The following ZNF66 variants were observed in gnomAD, a reference collection of about 807,000 sequenced individuals.
The protein encoded by ZNF66 is putative zinc finger protein 66.
ZNF66 carries 32 observed loss-of-function variants against 35.2 expected under a neutral mutation model. The ratio of observed to expected loss-of-function variants is 0.91; its 90% CI spans 0.69 to 1.22. ZNF66 has a LOEUF of 1.22. Ranked by LOEUF, ZNF66 falls within the 50% of genes most tolerant of loss-of-function variation. The pLI, the probability that ZNF66 is intolerant of heterozygous loss-of-function variation, is 0.00. For synonymous variants in ZNF66, 231 were observed against 181.3 expected (o/e 1.27, Z -2.20); for missense variants, 666 against 543.1 (o/e 1.23, Z -2.25).
chr19:20,779,799 ATGCCTGTAATC>A (rs1971229222), intron 1 of ZNF66, among the ~76,000 whole-genome samples: 1 of 151,260 alleles, frequency 6.6e-6, no homozygotes, highest in Admixed American at 6.6e-5. Context: ...GTGGTGGTGC[ATGCCTGTAATC>A]CCATCTACTC....
At chr19:20,787,367 C>A (rs920371044) in intron 1 of ZNF66, among the ~76,000 whole-genome samples, 1 of 152,082 alleles carries the variant, frequency 6.6e-6, no homozygotes, top group Non-Finnish European at 1.5e-5. Flanking sequence ...GCTAGAGCAG[C>A]CTTCATGAGG....
chr19:20,794,333 A>G (rs1971371484), intron 3 of ZNF66: 1 of 164,050 alleles, frequency 6.1e-6, no homozygotes, highest in Non-Finnish European at 1.3e-5. Flanking sequence ...AGTCCATTCT[A>G]TTTTTATTAC....
At chr19:20,801,696 G>A (rs1299196185) in intron 3 of ZNF66, among the ~76,000 whole-genome samples, 2 of 151,986 alleles carry the variant, frequency 1.3e-5, no homozygotes, top group Admixed American at 1.3e-4. Context: ...TGATTTGCAT[G>A]GCTCACGGCT....
chr19:20,792,542 G>A lies in ZNF66; in HGVS notation c.34G>A (p.Glu12Lys). 1 of 1,531,852 alleles carries A rather than the reference G, an allele frequency of 6.5e-7. No homozygotes were observed. The highest frequency in any genetic ancestry group is 1.1e-5 in the South Asian group (1 of 88,254). 94.9% of individuals were successfully genotyped at this position (1,531,852 alleles called of 1,614,324 possible). A position where few individuals can be genotyped will look rare whatever the true frequency, so the allele number is the denominator to read the frequency against. Residue 12 changes from glutamate (E) to lysine (K), a missense_variant, in exon 2 of 4, where the codon GAA becomes AAA. Transcript: ENST00000344519. ...ATTGCAATTTAGAGATGTGGCCATA[G>A]AATTCTCTCTGGAGGAGTGGCATTG... is the stretch of plus-strand genomic sequence containing the variant. ...GPLQFRDVAI[E>K]FSLEEWHCLD...
intron 1 of ZNF66, among the ~76,000 whole-genome samples, chr19:20,787,462 G>A (rs562183154): frequency 6.6e-6 from 1 of 152,148 alleles, no homozygotes; most frequent in Non-Finnish European, 1.5e-5. Context: ...CTGCAATTAA[G>A]GTCTGGCCTC....
chr19:20,805,648 A>G (rs566882432), intron 3 of ZNF66, among the ~76,000 whole-genome samples, 179 bp from the exon 4 acceptor site: 5 of 152,188 alleles, frequency 3.3e-5, no homozygotes, highest in Admixed American at 2.0e-4. Flanking sequence ...ATTTTTTACA[A>G]ATGTATTTTG....
chr19:20,803,281 G>C (rs1971467532), intron 3 of ZNF66, among the ~76,000 whole-genome samples: 1 of 149,526 alleles, frequency 6.7e-6, no homozygotes, highest in South Asian at 2.1e-4. Flanking sequence ...TTTTATTCTT[G>C]TGTCTTTGTC....
At chr19:20,789,033 AGAGT>A (rs1261319865) in intron 1 of ZNF66, among the ~76,000 whole-genome samples, 2 of 152,054 alleles carry the variant, frequency 1.3e-5, no homozygotes, top group African/African-American at 2.4e-5. Context: ...CCTGTGCAAT[AGAGT>A]GAGACTTCAT....
chr19:20,790,309 G>A (rs7258810), intron 1 of ZNF66, among the ~76,000 whole-genome samples: 52,280 of 148,150 alleles, frequency 0.35, 7,637 homozygotes, highest in East Asian at 0.41. Flanking sequence ...TTTAATGAAG[G>A]GCCTCATGTG....
Position 20,809,992 on chromosome 19 carries a change from G to A in ZNF66, c.*2670G>A, listed in dbSNP as rs1157398676. Reference sequence around the variant, plus strand: ...AATAAAAGGATGGAGGAAGATCTACGAAGCAAATGGAAAACAAACAAAAAA... The same window carrying A: ...AATAAAAGGATGGAGGAAGATCTACAAAGCAAATGGAAAACAAACAAAAAA... On this transcript the variant is annotated 3_prime_UTR_variant, in exon 4 of 4. Transcript: ENST00000344519. 2.0e-5 allele frequency among the ~76,000 whole-genome samples: 3 copies of A among 152,044 alleles called. No individual in the cohort carries two copies. The highest frequency in any genetic ancestry group is 4.4e-5 in the Non-Finnish European group (3 of 68,018).
intron 3 of ZNF66, among the ~76,000 whole-genome samples, chr19:20,797,230 CG>C (rs1446266777): frequency 5.0e-5 from 3 of 59,778 alleles, no homozygotes; most frequent in Non-Finnish European, 9.5e-5. Context: ...TTTTTTGAGA[CG>C]GAGTCTCGCT....
intron 1 of ZNF66, among the ~76,000 whole-genome samples, chr19:20,789,265 T>G (rs1458661662): frequency 6.6e-6 from 1 of 152,180 alleles, no homozygotes; most frequent in African/African-American, 2.4e-5. Context: ...GTCCCCACCC[T>G]GCCTCAGACC....
intron 3 of ZNF66, among the ~76,000 whole-genome samples, chr19:20,796,539 G>T (rs1466623237): frequency 6.6e-6 from 1 of 151,886 alleles, no homozygotes; most frequent in Non-Finnish European, 1.5e-5. Flanking sequence ...CTCAATATTT[G>T]TTTTACATAT....
chr19:20,785,700 TTCTGGGGCTGGAGCTTC>T (rs756977691), intron 1 of ZNF66, among the ~76,000 whole-genome samples: 26 of 152,144 alleles, frequency 1.7e-4, no homozygotes, highest in Non-Finnish European at 2.2e-4. Context: ...CATTTTCTTT[TTCTGGGGCTGGAGCTTC>T]TCTGGGGCTG....
chr19:20,785,253 C>G (rs1971276973), intron 1 of ZNF66: 1 of 152,360 alleles, frequency 6.6e-6, no homozygotes, highest in Admixed American at 6.5e-5. Context: ...TAGTAGAGGT[C>G]AAGAGAGGAG....
At chr19:20,787,027 C>T (rs968573036) in intron 1 of ZNF66, among the ~76,000 whole-genome samples, 3 of 152,158 alleles carry the variant, frequency 2.0e-5, no homozygotes, top group Non-Finnish European at 4.4e-5. Context: ...TCCCAAAGTG[C>T]TGGGATTACA....
chr19:20,783,010 C>A (rs915650169), intron 1 of ZNF66, among the ~76,000 whole-genome samples: 4 of 151,914 alleles, frequency 2.6e-5, no homozygotes, highest in African/African-American at 9.7e-5. Context: ...TTTAATTTAT[C>A]TTGAGTTGAT....
intron 1 of ZNF66, among the ~76,000 whole-genome samples, chr19:20,782,827 CCT>C (rs1971256744): frequency 6.6e-6 from 1 of 151,096 alleles, no homozygotes; most frequent in Non-Finnish European, 1.5e-5. Flanking sequence ...TTGTCTTTTT[CCT>C]CTGTTGATAG....
In ZNF66 at chr19:20,806,589, C is replaced by G. The variant is rs779222957; in HGVS notation, c.989C>G (p.Thr330Arg). The G allele has an allele frequency of 1.3e-6, 2 of 1,593,196 alleles. No homozygotes were observed. Among genetic ancestry groups the G allele is most frequent in the East Asian group, 4.5e-5 (2 of 44,724 alleles). ...KAFNWSSHLTTHKRIHTGEKP... is the reference protein window; with the variant it reads ...KAFNWSSHLTRHKRIHTGEKP... ...TTCAACTGGTCCTCACACCTTACTACACATAAGAGAATTCATACTGGAGAG... is the reference window on the plus strand; with the variant it reads ...TTCAACTGGTCCTCACACCTTACTAGACATAAGAGAATTCATACTGGAGAG... Residue 330 changes from threonine (T) to arginine (R), a missense_variant, in exon 4 of 4, where the codon ACA becomes AGA. Transcript: ENST00000344519.
Sources: allele counts gnomAD v4.1 joint callset (sites outside exome capture counted in the v4.1 genomes callset), GRCh38; gene constraint gnomAD v4.1.1; transcripts MANE v1.5; gene names NCBI Gene and HGNC (gene_info 2026-07-23, HGNC 2026-07-21).